The following TENM1 variants were observed in gnomAD, a reference collection of about 807,000 sequenced individuals.
The protein encoded by TENM1 is teneurin-1.
Under a neutral mutation model 174.8 loss-of-function variants are expected in TENM1, and 35 were observed. The observed-to-expected ratio is 0.20, with a 90% CI of 0.15 to 0.27. The LOEUF (loss-of-function observed/expected upper bound fraction) is 0.27, where lower values mean the gene tolerates loss of function less well. Ranked by LOEUF, TENM1 falls within the 10% of genes least tolerant of loss-of-function variation. The pLI, the probability that TENM1 is intolerant of heterozygous loss-of-function variation, is 1.00. For synonymous variants in TENM1, 781 were observed against 798.7 expected (o/e 0.98, Z 0.37); for missense variants, 1,633 against 2,130.1 (o/e 0.77, Z 4.59).
intron 11 of TENM1, among the ~76,000 whole-genome samples, chrX:124,633,415 C>T (rs1268346627): frequency 9.0e-6 from 1 of 111,647 alleles, no homozygotes; most frequent in African/African-American, 3.3e-5. Context: ...TATAGAGAGG[C>T]AGCCGCAAAC....
At chrX:124,892,376 T>A (rs1034100762) in intron 3 of TENM1, among the ~76,000 whole-genome samples, 2 of 111,750 alleles carry the variant, frequency 1.8e-5, no homozygotes, top group Non-Finnish European at 3.8e-5. Flanking sequence ...GGGTTATTTC[T>A]TATAATCCTT....
the TENM1 span, among the ~76,000 whole-genome samples, chrX:125,049,209 A>G: frequency 8.9e-6 from 1 of 111,739 alleles, no homozygotes. Flanking sequence ...CATCACCACA[A>G]AAAGAAACCC....
chrX:124,539,604 T>C (rs952020567), intron 15 of TENM1, among the ~76,000 whole-genome samples: 2 of 112,142 alleles, frequency 1.8e-5, no homozygotes, highest in Non-Finnish European at 3.8e-5. Flanking sequence ...TCTATTGTTT[T>C]AAATGACTCC....
chrX:124,563,149 T>C (rs1018803036), intron 13 of TENM1, among the ~76,000 whole-genome samples: 1 of 110,407 alleles, frequency 9.1e-6, no homozygotes, highest in Non-Finnish European at 1.9e-5. Context: ...ATTTGGGACA[T>C]ATTAAACTTC....
the TENM1 span, among the ~76,000 whole-genome samples, chrX:125,191,824 A>G: frequency 8.9e-6 from 1 of 112,177 alleles, no homozygotes; most frequent in Non-Finnish European, 1.9e-5. Flanking sequence ...TTTAAACTTA[A>G]TGCCCAATGC....
In TENM1 at chrX:124,656,168, T is replaced by C. The variant is rs1017228123; in HGVS notation, c.1169-2385A>G. Among the ~76,000 whole-genome samples, 8 of 112,638 alleles carry C rather than the reference T, an allele frequency of 7.1e-5. No homozygotes were observed. In the South Asian group the frequency reaches 1.1e-3, roughly 15 times the overall value. ...AAGAATAGACTTTAATGAATAGATA[T>C]TGTCATTTTTTAAAAATCTGAACAA... On this transcript the variant is annotated intron_variant, in intron 6 of 31. Transcript: ENST00000422452.
At chrX:124,657,701 A>G (rs986863612) in intron 6 of TENM1, among the ~76,000 whole-genome samples, 1 of 112,176 alleles carries the variant, frequency 8.9e-6, no homozygotes, top group Non-Finnish European at 1.9e-5. Context: ...GAATATTGAT[A>G]GAAGATAGTG....
At chrX:124,431,424 T>G (rs1232863250) in intron 23 of TENM1, among the ~76,000 whole-genome samples, 1 of 112,147 alleles carries the variant, frequency 8.9e-6, no homozygotes, top group African/African-American at 3.2e-5. Context: ...TTATCTCTTC[T>G]GTAGTATGCC....
At chrX:124,732,647 T>A (rs1279309735) in intron 4 of TENM1, among the ~76,000 whole-genome samples, 3 of 111,841 alleles carry the variant, frequency 2.7e-5, no homozygotes, top group Non-Finnish European at 3.8e-5. Context: ...AAGATAATAA[T>A]GCAGTTAGCA....
chrX:124,898,193 C>T (rs2057595769), intron 1 of TENM1, among the ~76,000 whole-genome samples: 1 of 111,439 alleles, frequency 9.0e-6, no homozygotes, highest in Non-Finnish European at 1.9e-5. Flanking sequence ...ATTTAAGTTT[C>T]TGATTCAGCA....
the TENM1 span, among the ~76,000 whole-genome samples, chrX:124,983,765 C>T: frequency 9.0e-6 from 1 of 110,646 alleles, no homozygotes; most frequent in East Asian, 2.9e-4. Flanking sequence ...GGATTACAGG[C>T]ATGTGCCACC....
intron 20 of TENM1, 109 bp from the exon 24 acceptor site, chrX:124,487,338 G>T: frequency 1.4e-6 from 1 of 711,937 alleles, no homozygotes; most frequent in Non-Finnish European, 2.1e-6. Context: ...AACTCAGATT[G>T]CGGCATTTAG....
intron 25 of TENM1, among the ~76,000 whole-genome samples, chrX:124,416,923 C>T (rs1362692861): frequency 8.9e-6 from 1 of 111,832 alleles, no homozygotes; most frequent in African/African-American, 3.3e-5. Flanking sequence ...CCCCTTCTGT[C>T]ATATAAGGAC....
At chrX:124,416,246 C>T (rs972694201) in intron 25 of TENM1, among the ~76,000 whole-genome samples, 1 of 111,774 alleles carries the variant, frequency 8.9e-6, no homozygotes, top group East Asian at 2.8e-4. Flanking sequence ...TTAACCGTCA[C>T]TCCCCATTCA....
the TENM1 span, among the ~76,000 whole-genome samples, chrX:125,001,077 G>GC: frequency 9.6e-6 from 1 of 104,655 alleles, no homozygotes; most frequent in East Asian, 3.0e-4. Context: ...GGGTGACCTT[G>GC]TTTTTTTTTT....
the TENM1 span, among the ~76,000 whole-genome samples, chrX:125,132,833 A>G: frequency 5.4e-5 from 6 of 111,521 alleles, no homozygotes; most frequent in African/African-American, 2.0e-4. Context: ...GTGTTTAAAC[A>G]AGTTATTTAA....
chrX:124,443,044 ATG>A (rs59365041), intron 23 of TENM1, among the ~76,000 whole-genome samples: 2,597 of 51,583 alleles, frequency 0.05, 43 homozygotes, highest in Middle Eastern at 0.083. Context: ...CTGGATGACT[ATG>A]TGTGTGTGTG....
rs193119898 is a variant in TENM1 at position 124,852,281 on chromosome X, A to C, written c.535+42015T>G. 7.9e-3 allele frequency among the ~76,000 whole-genome samples: 875 copies of C among 110,973 alleles called. 5 individuals are homozygous for C. The highest frequency in any genetic ancestry group is 0.019 in the Middle Eastern group (4 of 215). On this transcript the variant is annotated intron_variant, in intron 3 of 31. Coordinates refer to ENST00000422452, the Ensembl canonical transcript of TENM1. ...CATTGGCTAAGGTATTTATGGTGACAGTATAAAAGCTTGATTGGATTTGGG... is the reference window on the plus strand; with the variant it reads ...CATTGGCTAAGGTATTTATGGTGACCGTATAAAAGCTTGATTGGATTTGGG...
intron 20 of TENM1, among the ~76,000 whole-genome samples, chrX:124,492,182 C>G (rs2047081709): frequency 9.0e-6 from 1 of 111,656 alleles, no homozygotes; most frequent in Admixed American, 9.5e-5. Flanking sequence ...TTAAATACAA[C>G]CAATAACATA....
Sources: gnomAD v4.1 joint callset for allele counts (sites outside exome capture counted in the v4.1 genomes callset) on GRCh38, gnomAD v4.1.1 for gene constraint, MANE v1.5 for transcripts, NCBI Gene and HGNC (gene_info 2026-07-23, HGNC 2026-07-21) for gene names.